TBCD: variants seen among roughly 807,000 people sequenced by gnomAD.
The protein encoded by TBCD is tubulin folding cofactor D, also known as tubulin-specific chaperone D.
In TBCD, 105 loss-of-function variants were observed where a neutral mutation model predicts 169.3. The ratio of observed to expected loss-of-function variants is 0.62; its 90% CI spans 0.53 to 0.73. The LOEUF is 0.73. TBCD is among the 30% of genes least tolerant of loss of function. The pLI is 0.00. For synonymous variants in TBCD, 700 were observed against 643.9 expected, an observed-to-expected ratio of 1.09 and a Z score of -1.32; for missense variants, 1,444 against 1,600.1, an observed-to-expected ratio of 0.90 and a Z score of 1.66.
chr17:82,756,791 T>C (rs1051366045), intron 2 of TBCD, among the ~76,000 whole-genome samples: 1 of 152,206 alleles, frequency 6.6e-6, no homozygotes, highest in Non-Finnish European at 1.5e-5. Context: ...TCAAGTGTTT[T>C]TAGTTTACAT....
Position 82,864,281 on chromosome 17 carries a change from A to G in TBCD, c.1319-5943A>G, listed in dbSNP as rs1464107068. 6.6e-6 allele frequency: 1 copy of G among 152,270 alleles called. No individual in the cohort carries two copies. The highest frequency in any genetic ancestry group is 1.5e-5 in the Non-Finnish European group (1 of 68,048). The allele number at this position is 152,270 out of a possible 1,614,324, so 9.4% of individuals were successfully genotyped here. ...TGAAGAAACAAATGTAGTGCAGAGA[A>G]CAGAAAGCTGCTGTGTGACCTGCGG... is the stretch of plus-strand genomic sequence containing the variant. On this transcript the variant is annotated intron_variant, in intron 13 of 38. Transcript: ENST00000355528. This position sits in a 1 kb window ranked among gnomAD's most constrained non-coding sequence, Gnocchi z 6.3.
At chr17:82,828,961 G>T (rs1260613585) in intron 13 of TBCD, among the ~76,000 whole-genome samples, 1 of 132,568 alleles carries the variant, frequency 7.5e-6, no homozygotes, top group Admixed American at 8.0e-5. Context: ...ATATGCACAC[G>T]TGCATACCCA....
At chr17:82,892,002 T>C (rs1170020744) in intron 16 of TBCD, among the ~76,000 whole-genome samples, 2 of 152,294 alleles carry the variant, frequency 1.3e-5, no homozygotes, top group African/African-American at 4.8e-5. Flanking sequence ...CAGGCCCTTG[T>C]GGTGGCCTGT....
intron 17 of TBCD, among the ~76,000 whole-genome samples, chr17:82,899,473 C>G (rs1172522357): frequency 1.3e-5 from 2 of 151,952 alleles, no homozygotes; most frequent in Admixed American, 1.3e-4. Context: ...GTGTCCGCAG[C>G]GCGTGTGTCT....
chr17:82,783,262 C>T (rs1305599759), intron 7 of TBCD, among the ~76,000 whole-genome samples: 1 of 152,248 alleles, frequency 6.6e-6, no homozygotes, highest in African/African-American at 2.4e-5. Context: ...GAGAAAACTG[C>T]AGACGTGTTT....
At chr17:82,756,379 C>T (rs1192981633) in intron 2 of TBCD, among the ~76,000 whole-genome samples, 164 bp downstream of exon 2, 1 of 152,168 alleles carries the variant, frequency 6.6e-6, no homozygotes, top group Admixed American at 6.5e-5. Context: ...GTGATAGTGG[C>T]TTGAGTTCCA....
chr17:82,771,795 A>C (rs763419587), intron 5 of TBCD, among the ~76,000 whole-genome samples: 3 of 152,078 alleles, frequency 2.0e-5, no homozygotes, highest in Non-Finnish European at 4.4e-5. Flanking sequence ...CAACAGCAAA[A>C]AAACCCTAAG....
At chr17:82,852,596 A>G (rs2055890898) in intron 13 of TBCD, among the ~76,000 whole-genome samples, 1 of 152,104 alleles carries the variant, frequency 6.6e-6, no homozygotes, top group Non-Finnish European at 1.5e-5. Context: ...CACTGGTCAT[A>G]GCAGATCCGG....
At chr17:82,879,744 C>A (rs2058227899) in intron 14 of TBCD, among the ~76,000 whole-genome samples, 1 of 152,248 alleles carries the variant, frequency 6.6e-6, no homozygotes, top group African/African-American at 2.4e-5. Flanking sequence ...TGCTCCCCAA[C>A]CCTGGGCCAA....
rs1054696914 is a variant in TBCD at position 82,752,078 on chromosome 17, G to A, written c.-116G>A. 2 of 1,199,768 alleles carry A rather than the reference G, an allele frequency of 1.7e-6. No homozygotes were observed. Among genetic ancestry groups the A allele is most frequent in the Non-Finnish European group, 2.2e-6 (2 of 915,340 alleles). 74.3% of individuals were successfully genotyped at this position (1,199,768 alleles called of 1,614,324 possible). On this transcript the variant is annotated 5_prime_UTR_variant, in exon 1 of 39. Transcript: ENST00000355528. ...TCGCGGGGCGGGGCCAGCGTCGGTT[G>A]CCGCCTTAGCGGGCGCCTCCTTTTC...
intron 13 of TBCD, chr17:82,830,840 C>T (rs370014626): frequency 4.3e-6 from 7 of 1,612,964 alleles, no homozygotes; most frequent in African/African-American, 2.7e-5. Flanking sequence ...GAGGCGCTTC[C>T]GGTCGGAGCA....
intron 37 of TBCD, among the ~76,000 whole-genome samples, chr17:82,940,221 GCACACACACACA>G (rs71168175): frequency 4.6e-5 from 6 of 131,700 alleles, no homozygotes; most frequent in Non-Finnish European, 1.0e-4. Context: ...TTGCACGCGC[GCACACACACACA>G]CACACACACA....
rs2056996362 is a variant in TBCD, at chr17:82,864,271, A to G, written c.1319-5953A>G. 6.6e-6 allele frequency: 1 copy of G among 152,266 alleles called. No homozygotes were observed. Among genetic ancestry groups the G allele is most frequent in the Non-Finnish European group, 1.5e-5 (1 of 68,050 alleles). The allele number at this position is 152,266 out of a possible 1,614,324, so 9.4% of individuals were successfully genotyped here. On this transcript the variant is annotated intron_variant, in intron 13 of 38. Transcript: ENST00000355528. This position sits in a 1 kb window ranked among gnomAD's most constrained non-coding sequence, Gnocchi z 6.3. ...TTTAATTTCATGAAGAAACAAATGT[A>G]GTGCAGAGAACAGAAAGCTGCTGTG...
Position 82,943,432 on chromosome 17 carries a change from CAG to C in TBCD, c.*972_*973del, listed in dbSNP as rs1491138324. ...CAAAGCAGCCCCAGGTGTGGCCACT[CAG>C]AGGCCCAAGGGCTTGGGTGAGCAAC... On this transcript the variant is annotated 3_prime_UTR_variant, in exon 39 of 39. Transcript: ENST00000355528. 5 of 152,366 alleles carry C rather than the reference CAG, an allele frequency of 3.3e-5. No individual in the cohort carries two copies. 9.4% of individuals were successfully genotyped at this position (152,366 alleles called of 1,614,324 possible).
chr17:82,907,896 C>T, intron 21 of TBCD, 75 bp downstream of exon 21: 1 of 1,501,064 alleles, frequency 6.7e-7, no homozygotes, highest in Non-Finnish European at 9.1e-7. Flanking sequence ...CCACCCTCCC[C>T]AGGCAGGGTC....
intron 13 of TBCD, among the ~76,000 whole-genome samples, chr17:82,838,165 G>A (rs770045365): frequency 2.6e-5 from 4 of 152,166 alleles, no homozygotes; most frequent in South Asian, 4.1e-4. Flanking sequence ...GAGTGGTTTC[G>A]GTTGGCCATG....
rs1439094500 is a variant in TBCD at position 82,901,357 on chromosome 17, T to TG, written c.1730+628dup. 1.5e-4 allele frequency among the ~76,000 whole-genome samples: 23 copies of TG among 151,980 alleles called. No individual in the cohort carries two copies. The East Asian group carries it at 4.3e-3, about 28-fold the overall frequency. ...TCGAGGAGCGGTAGGTGCCTGTGGG[T>TG]GGAGGTGGCTTTGTGAGGGTGCGAG... On this transcript the variant is annotated intron_variant, in intron 18 of 38. Coordinates refer to ENST00000355528, the MANE Select transcript of TBCD (RefSeq NM_005993.5).
intron 13 of TBCD, among the ~76,000 whole-genome samples, chr17:82,866,090 A>C (rs2057150960): frequency 6.6e-6 from 1 of 152,078 alleles, no homozygotes; most frequent in Non-Finnish European, 1.5e-5. Flanking sequence ...TTGTTTTTGA[A>C]ATTTTTTTCT....
chr17:82,801,587 C>G (rs1368211964), intron 9 of TBCD, among the ~76,000 whole-genome samples: 1 of 87,812 alleles, frequency 1.1e-5, no homozygotes, highest in East Asian at 3.4e-4. Flanking sequence ...GTGGCTCGGT[C>G]AGCGTGGCAG....
Sources: gnomAD v4.1 joint callset for allele counts (sites outside exome capture counted in the v4.1 genomes callset) on GRCh38, gnomAD v4.1.1 for gene constraint, Gnocchi (gnomAD v3.1) non-coding constraint, MANE v1.5 for transcripts, NCBI Gene and HGNC (gene_info 2026-07-23, HGNC 2026-07-21) for gene names.